The following HDAC9 variants were observed in gnomAD, a reference collection of about 807,000 sequenced individuals.
HDAC9 encodes the protein histone deacetylase 9.
Under a neutral mutation model 139.4 loss-of-function variants are expected in HDAC9, and 41 were observed. The observed-to-expected ratio is 0.29, with a 90% CI of 0.23 to 0.38. The LOEUF (loss-of-function observed/expected upper bound fraction) is 0.38, where lower values mean the gene tolerates loss of function less well. HDAC9 is among the 10% of genes least tolerant of loss of function. The pLI is 1.00. For missense variants in HDAC9, 1,147 were observed against 1,297.0 expected, an observed-to-expected ratio of 0.88 and a Z score of 1.78; for synonymous variants, 517 against 476.2, an observed-to-expected ratio of 1.09 and a Z score of -1.12.
chr7:18,185,489 A>G (rs750227847), intron 2 of HDAC9, among the ~76,000 whole-genome samples: 18 of 152,250 alleles, frequency 1.2e-4, no homozygotes, highest in Non-Finnish European at 4.4e-5. Flanking sequence ...GTCCTTTCTA[A>G]AAGAGGAAAT....
chr7:18,707,349 C>T (rs1784007363), intron 12 of HDAC9, among the ~76,000 whole-genome samples: 1 of 152,106 alleles, frequency 6.6e-6, no homozygotes. Flanking sequence ...GATAGATTGT[C>T]CTAAGCAGAG....
At chr7:18,699,813 C>A (rs1044947960) in intron 12 of HDAC9, among the ~76,000 whole-genome samples, 1 of 152,064 alleles carries the variant, frequency 6.6e-6, no homozygotes, top group Non-Finnish European at 1.5e-5. Flanking sequence ...AAATAGAAAT[C>A]TCCTCTAATT....
chr7:18,774,178 A>G (rs1790561020), intron 16 of HDAC9, among the ~76,000 whole-genome samples: 1 of 152,070 alleles, frequency 6.6e-6, no homozygotes, highest in South Asian at 2.1e-4. Flanking sequence ...ATAAAAAATA[A>G]TAAGTAAAAT....
intron 2 of HDAC9, among the ~76,000 whole-genome samples, chr7:18,500,428 G>A (rs549943608): frequency 6.6e-6 from 1 of 152,180 alleles, no homozygotes; most frequent in Admixed American, 6.6e-5. Flanking sequence ...ATAACCTAAT[G>A]CAACATACCT....
chr7:18,844,107 G>T (rs115826386), intron 21 of HDAC9, among the ~76,000 whole-genome samples: 1 of 152,094 alleles, frequency 6.6e-6, no homozygotes, highest in African/African-American at 2.4e-5. Context: ...ATCTGTTTTC[G>T]TTTAGGCAGA....
intron 12 of HDAC9, among the ~76,000 whole-genome samples, chr7:18,723,718 A>G (rs1785311855): frequency 6.6e-6 from 1 of 152,118 alleles, no homozygotes; most frequent in African/African-American, 2.4e-5. Context: ...TTACTATTAA[A>G]AAAAAAGAAA....
intron 24 of HDAC9, among the ~76,000 whole-genome samples, chr7:18,960,049 TATTTAGGGCAATGAGAAGTGA>T (rs1476200802): frequency 7.8e-6 from 1 of 127,676 alleles, no homozygotes; most frequent in African/African-American, 3.3e-5. Flanking sequence ...CACAGAGTAT[TATTTAGGGCAATGAGAAGTGA>T]ATTTATAATC....
At chr7:18,313,215 A>T (rs1038059052) in intron 1 of HDAC9, among the ~76,000 whole-genome samples, 1 of 152,276 alleles carries the variant, frequency 6.6e-6, no homozygotes, top group East Asian at 1.9e-4. Flanking sequence ...TTAGTGATTG[A>T]TAATTATATG....
intron 24 of HDAC9, among the ~76,000 whole-genome samples, chr7:18,965,262 A>T (rs753034977): frequency 4.6e-5 from 7 of 152,230 alleles, no homozygotes; most frequent in African/African-American, 1.4e-4. Context: ...TTTCCAGGAC[A>T]TGGGATAGTT....
intron 1 of HDAC9, among the ~76,000 whole-genome samples, chr7:18,099,137 T>C (rs1782691760): frequency 6.6e-6 from 1 of 152,158 alleles, no homozygotes; most frequent in African/African-American, 2.4e-5. Context: ...ATAAATTTAG[T>C]ATTATAATGA....
At chr7:18,944,431 T>C (rs1782232335) in intron 23 of HDAC9, among the ~76,000 whole-genome samples, 3 of 152,192 alleles carry the variant, frequency 2.0e-5, no homozygotes, top group Non-Finnish European at 2.9e-5. Context: ...TCTCACTTTG[T>C]TTCCTGGAAG....
At chr7:18,233,384 G>A (rs1793597914) in intron 2 of HDAC9, among the ~76,000 whole-genome samples, 1 of 151,064 alleles carries the variant, frequency 6.6e-6, no homozygotes, top group South Asian at 2.1e-4. Context: ...ATTATGCCAA[G>A]GCGGTTTCAG....
At chr7:18,168,885 T>TGTG (rs1276241746) in intron 2 of HDAC9, among the ~76,000 whole-genome samples, 9 of 104,054 alleles carry the variant, frequency 8.6e-5, no homozygotes, top group Non-Finnish European at 1.7e-4. Context: ...TCTTGTTTTT[T>TGTG]TTTTTTTTTT....
At chr7:18,818,399 G>A (rs963885274) in intron 17 of HDAC9, among the ~76,000 whole-genome samples, 2 of 151,980 alleles carry the variant, frequency 1.3e-5, no homozygotes, top group East Asian at 1.9e-4. Flanking sequence ...TTTTGTTATA[G>A]TTTCCTAAAA....
At chr7:18,792,478 A>G (rs1202353279) in intron 16 of HDAC9, among the ~76,000 whole-genome samples, 1 of 152,074 alleles carries the variant, frequency 6.6e-6, no homozygotes, top group Non-Finnish European at 1.5e-5. Context: ...TATGATAATT[A>G]TAAACCACCA....
chr7:18,834,207 A>T (rs1289283142), intron 19 of HDAC9, among the ~76,000 whole-genome samples: 1 of 152,222 alleles, frequency 6.6e-6, no homozygotes, highest in African/African-American at 2.4e-5. Flanking sequence ...TTGCTAATAT[A>T]AAGTAAGTAT....
intron 7 of HDAC9, 34 bp downstream of exon 7, chr7:18,629,515 G>A: frequency 6.4e-7 from 1 of 1,573,806 alleles, no homozygotes; most frequent in East Asian, 2.3e-5. Flanking sequence ...ATGAATGCTG[G>A]GAGTAGGAAT....
At chr7:18,733,037 A>C (rs1312626909) in intron 13 of HDAC9, among the ~76,000 whole-genome samples, 4 of 146,216 alleles carry the variant, frequency 2.7e-5, no homozygotes, top group Non-Finnish European at 6.1e-5. Context: ...GTATATATAC[A>C]GATATACATA....
intron 2 of HDAC9, among the ~76,000 whole-genome samples, chr7:18,275,439 C>G (rs1448533472): frequency 6.6e-6 from 1 of 152,184 alleles, no homozygotes; most frequent in Non-Finnish European, 1.5e-5. Context: ...AAGTATGAAT[C>G]ATGTTGTATT....
Sources: allele counts gnomAD v4.1 joint callset (sites outside exome capture counted in the v4.1 genomes callset), GRCh38; gene constraint gnomAD v4.1.1; transcripts MANE v1.5; gene names NCBI Gene and HGNC (gene_info 2026-07-23, HGNC 2026-07-21).